The following DOCK2 variants were observed in gnomAD, a reference collection of about 807,000 sequenced individuals.
DOCK2 encodes the protein dedicator of cytokinesis 2.
In DOCK2, 87 loss-of-function variants were observed where a neutral mutation model predicts 248.9. The ratio of observed to expected loss-of-function variants is 0.35; its 90% CI spans 0.29 to 0.42. The LOEUF is 0.42. Ranked by LOEUF, DOCK2 falls within the 10% of genes least tolerant of loss-of-function variation. The pLI, the probability that DOCK2 is intolerant of heterozygous loss-of-function variation, is 1.00. For missense variants in DOCK2, 1,747 were observed against 2,300.2 expected, an observed-to-expected ratio of 0.76 and a Z score of 4.92; for synonymous variants, 805 against 821.6, an observed-to-expected ratio of 0.98 and a Z score of 0.35.
At chr5:169,858,557 A>C (rs886840070) in intron 27 of DOCK2, among the ~76,000 whole-genome samples, 1 of 152,286 alleles carries the variant, frequency 6.6e-6, no homozygotes, top group African/African-American at 2.4e-5. Context: ...GCAGGGCAGG[A>C]TGTGCAGGGC....
At chr5:169,911,839 A>G (rs1225418963) in intron 27 of DOCK2, among the ~76,000 whole-genome samples, 1 of 152,220 alleles carries the variant, frequency 6.6e-6, no homozygotes, top group East Asian at 1.9e-4. Context: ...GAAAGAAAAT[A>G]AAGGGAGGGA....
intron 1 of DOCK2, among the ~76,000 whole-genome samples, chr5:169,643,075 A>AAG (rs1757239052): frequency 1.3e-5 from 2 of 152,126 alleles, no homozygotes; most frequent in African/African-American, 2.4e-5. Flanking sequence ...GACACCACAA[A>AAG]TGTTCCCTTT....
chr5:169,774,259 G>A (rs1404391939), intron 25 of DOCK2, among the ~76,000 whole-genome samples: 3 of 152,148 alleles, frequency 2.0e-5, no homozygotes, highest in African/African-American at 7.2e-5. Context: ...GTACTGTGGG[G>A]ACTATTAACA....
chr5:169,723,546 G>A (rs879672360), intron 22 of DOCK2, among the ~76,000 whole-genome samples: 1 of 151,942 alleles, frequency 6.6e-6, no homozygotes, highest in Non-Finnish European at 1.5e-5. Flanking sequence ...TTCTACGGAG[G>A]ACCCCATTTT....
At chr5:169,903,285 T>G (rs1480641274) in intron 27 of DOCK2, among the ~76,000 whole-genome samples, 1 of 123,506 alleles carries the variant, frequency 8.1e-6, no homozygotes, top group African/African-American at 3.2e-5. Context: ...GAGATCCCCA[T>G]CTCTAAAAAA....
intron 1 of DOCK2, 82 bp downstream of exon 1, chr5:169,637,451 G>A (rs1476315254): frequency 2.9e-5 from 37 of 1,277,034 alleles, no homozygotes; most frequent in Admixed American, 4.2e-5. Flanking sequence ...CGGGGCCGGC[G>A]GCGCGGGGTG....
chr5:169,801,046 C>A lies in DOCK2; in HGVS notation c.2555-2012C>A, dbSNP rs374948416. Among the ~76,000 whole-genome samples, 46 of 140,398 alleles carry A rather than the reference C, an allele frequency of 3.3e-4. 1 individual carries two copies. The highest frequency in any genetic ancestry group is 1.2e-3 in the African/African-American group (45 of 37,092). 92.1% of individuals were successfully genotyped at this position (140,398 alleles called of 152,430 possible). A position where few individuals can be genotyped will look rare whatever the true frequency, so the allele number is the denominator to read the frequency against. On this transcript the variant is annotated intron_variant, in intron 25 of 51. Coordinates refer to ENST00000520908, the MANE Select transcript of DOCK2 (RefSeq NM_004946.3). ...CCTTGGCTCACTGCAATTTCTGCCTCCCTGGTTTAAGCTTCTGCCTGGCTT... is the reference window on the plus strand; with the variant it reads ...CCTTGGCTCACTGCAATTTCTGCCTACCTGGTTTAAGCTTCTGCCTGGCTT...
At chr5:169,639,549 C>A (rs1757035170) in intron 1 of DOCK2, among the ~76,000 whole-genome samples, 1 of 152,252 alleles carries the variant, frequency 6.6e-6, no homozygotes, top group Non-Finnish European at 1.5e-5. Flanking sequence ...CATGTGACTT[C>A]TGCCTCCTGA....
At position 169,967,950 on chromosome 5, in the gene DOCK2, A is replaced by C. The variant is rs546358469; in HGVS notation, c.2800-15118A>C. Among the ~76,000 whole-genome samples, 4 of 152,324 alleles carry C rather than the reference A, an allele frequency of 2.6e-5. No individual in the cohort carries two copies. In the South Asian group the frequency reaches 8.3e-4, roughly 32 times the overall value. ...CTGGCCAAAGTGGCTGGTTCTGAGA[A>C]GGAGCACATGGGGAGGAGGAAGAAA... On this transcript the variant is annotated intron_variant, in intron 27 of 51. Transcript: ENST00000520908.
chr5:169,735,402 C>T (rs1025590321), intron 22 of DOCK2, among the ~76,000 whole-genome samples: 26 of 152,042 alleles, frequency 1.7e-4, no homozygotes, highest in African/African-American at 6.0e-4. Flanking sequence ...CTGAACTGCT[C>T]TTCCCTCTCC....
chr5:169,647,887 G>A (rs532951366), intron 1 of DOCK2, among the ~76,000 whole-genome samples: 3 of 152,092 alleles, frequency 2.0e-5, no homozygotes, highest in South Asian at 2.1e-4. Context: ...TTGTCTCTTC[G>A]ACTAGATTTC....
At chr5:169,778,556 C>A (rs1044595240) in intron 25 of DOCK2, among the ~76,000 whole-genome samples, 1 of 152,186 alleles carries the variant, frequency 6.6e-6, no homozygotes, top group Non-Finnish European at 1.5e-5. Flanking sequence ...CTACCTTAGC[C>A]CTGTCTAACT....
chr5:170,055,265 G>T (rs758845765), intron 41 of DOCK2, 40 bp from the exon 42 acceptor site: 5 of 1,597,892 alleles, frequency 3.1e-6, no homozygotes, highest in South Asian at 1.1e-5. Context: ...AACTGTCCCC[G>T]CAGCCAACAG....
intron 27 of DOCK2, among the ~76,000 whole-genome samples, chr5:169,930,740 G>T (rs1454666671): frequency 1.3e-5 from 2 of 152,228 alleles, no homozygotes; most frequent in Non-Finnish European, 2.9e-5. Context: ...TTCGCCCTTT[G>T]AGAGTCGGGT....
Position 170,041,094 on chromosome 5 carries a change from C to T in DOCK2, c.3705C>T (p.Asp1235=). The T allele has an allele frequency of 6.2e-7, 1 of 1,614,116 alleles. No individual in the cohort carries two copies. Among genetic ancestry groups the T allele is most frequent in the Non-Finnish European group, 8.5e-7 (1 of 1,180,010 alleles). The part of the protein sequence containing the change: ...YKLRDLHLDC[D]NYTEAAYTLL... ...TCCGCGATCTTCACCTGGACTGTGA[C>T]AATTACACAGAGGCTGCCTACACGC... is the stretch of plus-strand genomic sequence containing the variant. Residue 1235 remains aspartate (D), a synonymous_variant, in exon 37 of 52, where the codon GAC becomes GAT. Transcript: ENST00000520908.
intron 25 of DOCK2, among the ~76,000 whole-genome samples, chr5:169,774,723 G>A (rs7735431): frequency 0.45 from 67,890 of 151,960 alleles, 16,130 homozygotes; most frequent in African/African-American, 0.59. Context: ...TCCTTTCCGA[G>A]TAGATAGTCC....
intron 36 of DOCK2, among the ~76,000 whole-genome samples, chr5:170,039,275 A>T (rs1055130900): frequency 6.6e-6 from 1 of 152,186 alleles, no homozygotes; most frequent in Non-Finnish European, 1.5e-5. Context: ...TGCCATGGGA[A>T]CCTTTTTAGA....
At chr5:169,735,129 A>G (rs1169683405) in intron 22 of DOCK2, among the ~76,000 whole-genome samples, 1 of 152,202 alleles carries the variant, frequency 6.6e-6, no homozygotes, top group African/African-American at 2.4e-5. Flanking sequence ...TGATCTTTCC[A>G]CAGTTCAAAT....
At chr5:169,782,549 C>T (rs1336640543) in intron 25 of DOCK2, among the ~76,000 whole-genome samples, 1 of 149,576 alleles carries the variant, frequency 6.7e-6, no homozygotes, top group African/African-American at 2.5e-5. Flanking sequence ...GAAATGGGTA[C>T]ATCCACAGAA....
Sources: allele counts gnomAD v4.1 joint callset (sites outside exome capture counted in the v4.1 genomes callset), GRCh38; gene constraint gnomAD v4.1.1; transcripts MANE v1.5; gene names NCBI Gene and HGNC (gene_info 2026-07-23, HGNC 2026-07-21).